The following KAZN variants were observed in gnomAD, a reference collection of about 807,000 sequenced individuals.
KAZN encodes kazrin, periplakin interacting protein.
A neutral mutation model predicts 87.4 loss-of-function variants in KAZN; 40 were observed. The observed-to-expected ratio is 0.46, with a 90% CI of 0.36 to 0.60. The LOEUF is 0.60. KAZN is among the 20% of genes least tolerant of loss of function. The pLI, the probability that KAZN is intolerant of heterozygous loss-of-function variation, is 0.00. For missense variants in KAZN, 898 were observed against 1,073.9 expected (o/e 0.84, Z 2.29); for synonymous variants, 466 against 458.3 (o/e 1.02, Z -0.22).
intron 2 of KAZN, among the ~76,000 whole-genome samples, chr1:14,423,298 T>C (rs1303737912): frequency 1.3e-5 from 2 of 152,218 alleles, no homozygotes; most frequent in African/African-American, 4.8e-5. Context: ...TTTTCTTCTT[T>C]GTAAACTAGA....
intron 1 of KAZN, among the ~76,000 whole-genome samples, chr1:13,987,529 AC>A (rs1410506866): frequency 6.6e-6 from 1 of 152,162 alleles, no homozygotes; most frequent in Non-Finnish European, 1.5e-5. Flanking sequence ...AATACCACAG[AC>A]TGGGTAATTT....
At chr1:14,354,645 G>GACAC (rs71570202) in intron 2 of KAZN, among the ~76,000 whole-genome samples, 30,588 of 141,128 alleles carry the variant, frequency 0.22, 3,452 homozygotes, top group South Asian at 0.33. Context: ...AGCTAAATTA[G>GACAC]ACACACACAC....
rs1281012164 is a variant in KAZN at position 15,066,561 on chromosome 1, AAAAAAAAG to A, written c.1222+821_1222+828del. ...TTGCATTGCCGTTTCTTTCTTTATG[AAAAAAAAG>A]AAAAAAAGAAAATTGTTTCATTTAA... On this transcript the variant is annotated intron_variant, in intron 8 of 14. Coordinates refer to ENST00000376030, the MANE Select transcript of KAZN (RefSeq NM_201628.3). The surrounding 1 kb of genome is among the most constrained non-coding windows in gnomAD (Gnocchi z 4.3). 9.1e-6 allele frequency: 9 copies of A among 984,474 alleles called. No homozygotes were observed. The highest frequency in any genetic ancestry group is 5.2e-4 in the Middle Eastern group (1 of 1,932). 61.0% of individuals were successfully genotyped at this position (984,474 alleles called of 1,614,324 possible). A position where few individuals can be genotyped will look rare whatever the true frequency, so the allele number is the denominator to read the frequency against.
intron 2 of KAZN, among the ~76,000 whole-genome samples, chr1:14,287,657 T>C (rs1653358076): frequency 6.6e-6 from 1 of 152,336 alleles, no homozygotes; most frequent in Non-Finnish European, 1.5e-5. Context: ...CCTCTCCTAA[T>C]TGAATACCCT....
chr1:13,985,564 G>A (rs1430372806), intron 1 of KAZN, among the ~76,000 whole-genome samples: 3 of 114,806 alleles, frequency 2.6e-5, no homozygotes, highest in Admixed American at 2.1e-4. Flanking sequence ...TGTGGGGTGG[G>A]GGGAGGGGGG....
chr1:14,517,557 G>A (rs186602020), intron 2 of KAZN, among the ~76,000 whole-genome samples: 43 of 152,288 alleles, frequency 2.8e-4, no homozygotes, highest in Middle Eastern at 3.4e-3. Flanking sequence ...ATGCCTTAGC[G>A]CCATTTGTGA....
At chr1:14,205,506 T>G (rs1289529028) in intron 2 of KAZN, among the ~76,000 whole-genome samples, 2 of 152,190 alleles carry the variant, frequency 1.3e-5, no homozygotes, top group Admixed American at 1.3e-4. Flanking sequence ...GTAAAGATTT[T>G]TTAATGGAAT....
At chr1:14,943,486 CACA>C (rs1661387260) in intron 1 of KAZN, among the ~76,000 whole-genome samples, 1 of 152,168 alleles carries the variant, frequency 6.6e-6, no homozygotes, top group Admixed American at 6.5e-5. Flanking sequence ...GGGCTGGTCT[CACA>C]ACGAGAAGGC....
intron 1 of KAZN, among the ~76,000 whole-genome samples, chr1:13,959,503 C>T (rs1442374692): frequency 6.6e-6 from 1 of 152,206 alleles, no homozygotes; most frequent in Non-Finnish European, 1.5e-5. Flanking sequence ...AGTAAGGTCA[C>T]ATTGAATGTG....
intron 1 of KAZN, among the ~76,000 whole-genome samples, chr1:14,825,551 T>C (rs932888203): frequency 1.1e-4 from 17 of 152,208 alleles, no homozygotes; most frequent in Admixed American, 2.6e-4. Flanking sequence ...AAAACTCCAA[T>C]GAGCCAGCTA....
chr1:14,349,845 A>G lies in KAZN; in HGVS notation c.249+169253A>G, dbSNP rs1658393469. On this transcript the variant is annotated intron_variant, in intron 2 of 16. Coordinates refer to the KAZN transcript ENST00000636203. Reference sequence around the variant, plus strand: ...GAGGAGCCATTATGCTTTGTTAAATAGTGACAAGAGGCCCGGTGCGGTGGC... The same window carrying G: ...GAGGAGCCATTATGCTTTGTTAAATGGTGACAAGAGGCCCGGTGCGGTGGC... 3.3e-5 allele frequency among the ~76,000 whole-genome samples: 5 copies of G among 152,098 alleles called. No individual in the cohort carries two copies. The South Asian group carries it at 1.0e-3, about 32-fold the overall frequency.
chr1:14,739,782 A>G (rs1409331394), intron 1 of KAZN, among the ~76,000 whole-genome samples: 1 of 152,000 alleles, frequency 6.6e-6, no homozygotes, highest in Non-Finnish European at 1.5e-5. Context: ...GAATTTCCTC[A>G]CTTAGAATAA....
At chr1:14,142,218 G>T (rs1645255895) in intron 1 of KAZN, among the ~76,000 whole-genome samples, 1 of 147,844 alleles carries the variant, frequency 6.8e-6, no homozygotes, top group Admixed American at 6.9e-5. Context: ...GGAAAATTCT[G>T]TCTTCTACTG....
chr1:15,077,396 C>T lies in KAZN; in HGVS notation c.1222+11643C>T, dbSNP rs954088265. Among the ~76,000 whole-genome samples the T allele has an allele frequency of 1.3e-5, 2 of 152,180 alleles. No homozygotes were observed. The highest frequency in any genetic ancestry group is 2.9e-5 in the Non-Finnish European group (2 of 68,036). On this transcript the variant is annotated intron_variant, in intron 8 of 14. Transcript: ENST00000376030. This position sits in a 1 kb window ranked among gnomAD's most constrained non-coding sequence, Gnocchi z 4.8. ...GGCCCTCCTGTCCTCCACTCCCTGA[C>T]GGCCAGGCAGCAGGGCTCCACGCTT... is the stretch of plus-strand genomic sequence containing the variant.
At chr1:14,210,014 A>G (rs1049741973) in intron 2 of KAZN, among the ~76,000 whole-genome samples, 4 of 152,172 alleles carry the variant, frequency 2.6e-5, no homozygotes, top group South Asian at 2.1e-4. Context: ...AGGCATTCAT[A>G]TGCCTGTTTG....
chr1:13,993,941 A>AGCC (rs1481160069), intron 1 of KAZN, among the ~76,000 whole-genome samples: 2 of 152,212 alleles, frequency 1.3e-5, no homozygotes, highest in African/African-American at 4.8e-5. Flanking sequence ...TAAAATTGGG[A>AGCC]GCCATTTTGT....
chr1:14,688,244 A>AGATT (rs1641072687), intron 1 of KAZN, among the ~76,000 whole-genome samples: 1 of 152,130 alleles, frequency 6.6e-6, no homozygotes, highest in Non-Finnish European at 1.5e-5. Context: ...GAAGATCCTG[A>AGATT]GATTGGGTTT....
chr1:14,462,926 C>G (rs1052285212), intron 2 of KAZN, among the ~76,000 whole-genome samples: 11 of 152,198 alleles, frequency 7.2e-5, no homozygotes, highest in African/African-American at 2.6e-4. Context: ...ACCATATCAC[C>G]CAGCAAAGAA....
intron 2 of KAZN, among the ~76,000 whole-genome samples, chr1:14,351,297 G>A (rs1361433306): frequency 6.6e-6 from 1 of 152,224 alleles, no homozygotes. Context: ...CAGGCACTGT[G>A]GCTCACACCT....
Sources: gnomAD v4.1 joint callset for allele counts (sites outside exome capture counted in the v4.1 genomes callset) on GRCh38, gnomAD v4.1.1 for gene constraint, Gnocchi (gnomAD v3.1) non-coding constraint, MANE v1.5 for transcripts, NCBI Gene and HGNC (gene_info 2026-07-23, HGNC 2026-07-21) for gene names.